Variants in CNTRL observed in about 807,000 individuals in gnomAD.
CNTRL encodes the protein centriolin.
In CNTRL, 233 loss-of-function variants were observed where a neutral mutation model predicts 303.7. The observed-to-expected ratio is 0.77, with a 90% CI of 0.69 to 0.86. The LOEUF (loss-of-function observed/expected upper bound fraction) is 0.86. Among genes scored for constraint, CNTRL ranks in the 40% least tolerant of loss-of-function variants. CNTRL has a pLI of 0.00. For missense variants in CNTRL, 2,524 were observed against 2,650.6 expected (o/e 0.95, Z 1.05); for synonymous variants, 900 against 922.2 (o/e 0.98, Z 0.44).
At chr9:121,082,969 CAAAA>C (rs71370624) in intron 2 of CNTRL, among the ~76,000 whole-genome samples, 1 of 109,870 alleles carries the variant, frequency 9.1e-6, no homozygotes, top group East Asian at 2.4e-4. Context: ...GACTCCCTCT[CAAAA>C]AAAAAAAAAA....
At chr9:121,130,398 A>T (rs2050784990) in intron 14 of CNTRL, among the ~76,000 whole-genome samples, 1 of 151,180 alleles carries the variant, frequency 6.6e-6, no homozygotes, top group Non-Finnish European at 1.5e-5. Flanking sequence ...TTTCTTCTAG[A>T]TTTTCTAGTT....
At chr9:121,093,215 A>G (rs141963302) in intron 4 of CNTRL, among the ~76,000 whole-genome samples, 1 of 152,134 alleles carries the variant, frequency 6.6e-6, no homozygotes, top group Non-Finnish European at 1.5e-5. Flanking sequence ...CCCATAATCC[A>G]TGTTTGATAA....
At chr9:121,156,062 G>C (rs10985167) in intron 27 of CNTRL, among the ~76,000 whole-genome samples, 6 of 151,888 alleles carry the variant, frequency 4.0e-5, no homozygotes, top group Admixed American at 6.6e-5. Flanking sequence ...ATTACTGTGA[G>C]AGAAAATAGA....
intron 11 of CNTRL, among the ~76,000 whole-genome samples, chr9:121,117,652 C>T (rs1425586065): frequency 6.6e-6 from 1 of 152,058 alleles, no homozygotes; most frequent in Admixed American, 6.6e-5. Flanking sequence ...GATAATTATA[C>T]TTTTTACTTT....
intron 1 of CNTRL, among the ~76,000 whole-genome samples, chr9:121,079,479 A>G (rs1034328144): frequency 4.6e-5 from 7 of 152,186 alleles, no homozygotes; most frequent in Non-Finnish European, 1.0e-4. Flanking sequence ...ATCAGCCTGG[A>G]CAACATAGTG....
rs770165275 is a variant in CNTRL at position 121,175,220 on chromosome 9, A to C, written c.6950A>C (p.Asn2317Thr). ...SLTEDSQLGQ[N>T]QEKNASAR ...ACAGAGGACTCTCAACTTGGACAAAATCAGGTAAGCAGCAGCTCTTTTTAA... is the reference window on the plus strand; with the variant it reads ...ACAGAGGACTCTCAACTTGGACAAACTCAGGTAAGCAGCAGCTCTTTTTAA... Residue 2317 changes from asparagine to threonine, a missense_variant, in exon 43 of 44, where the codon AAT becomes ACT. Asn to Thr is a moderately conservative substitution (Grantham distance 65). Coordinates refer to ENST00000373855, the MANE Select transcript of CNTRL (RefSeq NM_007018.6). The C allele has an allele frequency of 1.2e-6, 2 of 1,613,862 alleles. No individual in the cohort carries two copies. The highest frequency in any genetic ancestry group is 1.7e-6 in the Non-Finnish European group (2 of 1,179,860).
In CNTRL at chr9:121,152,683, C is replaced by T; in HGVS notation, c.4162C>T (p.Gln1388Ter). 1 of 1,605,100 alleles carries T rather than the reference C, an allele frequency of 6.2e-7. No homozygotes were observed. Among genetic ancestry groups the T allele is most frequent in the Non-Finnish European group, 8.5e-7 (1 of 1,173,898 alleles). ...EELHRTVQKR[Q>*]QQKDFIDGNV... is the part of the protein sequence containing the mutation. ...ATTACATAGAACTGTCCAGAAACGTCAACAGCAAAAGTAATTAATATATTT... is the reference window on the plus strand; with the variant it reads ...ATTACATAGAACTGTCCAGAAACGTTAACAGCAAAAGTAATTAATATATTT... Residue 1388 changes from glutamine (Q) to a stop codon, truncating the protein, a stop_gained, in exon 26 of 44, where the codon CAA (glutamine) becomes TAA (stop). Coordinates refer to ENST00000373855, the MANE Select transcript of CNTRL (RefSeq NM_007018.6). LOFTEE classifies it high-confidence loss of function.
At position 121,074,979 on chromosome 9, in the gene CNTRL, C is replaced by T. The variant is rs1487568513; in HGVS notation, c.-293C>T. The T allele has an allele frequency of 3.7e-5, 17 of 455,894 alleles. No individual in the cohort carries two copies. In the East Asian group the frequency reaches 1.1e-3, roughly 30 times the overall value. 28.2% of individuals were successfully genotyped at this position (455,894 alleles called of 1,614,324 possible). A position where few individuals can be genotyped will look rare whatever the true frequency, so the allele number is the denominator to read the frequency against. ...CAACCGGCACAACACAACAAAATGGCTGCCGCGCCGCTGGGCCCCTGAGGA... is the reference window on the plus strand; with the variant it reads ...CAACCGGCACAACACAACAAAATGGTTGCCGCGCCGCTGGGCCCCTGAGGA... On this transcript the variant is annotated 5_prime_UTR_variant, in exon 1 of 44. Coordinates refer to ENST00000373855, the MANE Select transcript of CNTRL (RefSeq NM_007018.6).
intron 42 of CNTRL, 93 bp downstream of exon 42, chr9:121,173,830 C>G (rs1036769426): frequency 4.2e-6 from 5 of 1,201,912 alleles, no homozygotes; most frequent in South Asian, 3.6e-5. Flanking sequence ...GCTTTCACAT[C>G]CATGCTGTTG....
In CNTRL at chr9:121,171,431, C is replaced by T. The variant is rs1323462934; in HGVS notation, c.6300C>T (p.Cys2100=). ...AGGAGCAAAAACAGGAGAACAGCTG[C>T]ATACAAAAGGAAATGGCAACAATTG... ...NLLEQKQENS[C]IQKEMATIEL... is the part of the protein sequence containing the mutation. The change falls in exon 40 of 44, where the codon TGC becomes TGT. Residue 2100 remains cysteine (C), a synonymous_variant. Coordinates refer to ENST00000373855, the MANE Select transcript of CNTRL (RefSeq NM_007018.6). 6.2e-7 allele frequency: 1 copy of T among 1,614,034 alleles called. No homozygotes were observed. Among genetic ancestry groups the T allele is most frequent in the Non-Finnish European group, 8.5e-7 (1 of 1,179,932 alleles).
chr9:121,175,391 CAT>C, intron 43 of CNTRL, 167 bp downstream of exon 43: 10 of 663,128 alleles, frequency 1.5e-5, no homozygotes, highest in Non-Finnish European at 2.7e-5. Flanking sequence ...CTCAGCCTCC[CAT>C]GTAGCTGGGA....
At position 121,173,721 on chromosome 9, in the gene CNTRL, G is replaced by A. The variant is rs764424296; in HGVS notation, c.6731G>A (p.Arg2244Gln). The A allele has an allele frequency of 3.3e-5, 54 of 1,613,932 alleles. No homozygotes were observed. Among genetic ancestry groups the A allele is most frequent in the African/African-American group, 5.3e-5 (4 of 74,902 alleles). Residue 2244 changes from arginine (R) to glutamine (Q), a missense_variant, in exon 42 of 44, where the codon CGG becomes CAG. Transcript: ENST00000373855. Reference protein sequence around the residue: ...GEALREKLRHREDRLKAQLRH... With the variant: ...GEALREKLRHQEDRLKAQLRH... The stretch of plus-strand genomic sequence containing the variant: ...GCACTCCGGGAGAAACTGCGTCACC[G>A]GGAAGACCGACTCAAGGTTGCCCTT...
intron 34 of CNTRL, among the ~76,000 whole-genome samples, chr9:121,163,328 A>ATAT (rs1021164027): frequency 1.2e-4 from 18 of 146,566 alleles, no homozygotes; most frequent in African/African-American, 1.5e-4. Flanking sequence ...TCAAAAAAAA[A>ATAT]ATATATATAT....
chr9:121,127,912 G>A (rs1157781161), intron 14 of CNTRL, among the ~76,000 whole-genome samples: 5 of 150,498 alleles, frequency 3.3e-5, no homozygotes, highest in Non-Finnish European at 5.9e-5. Flanking sequence ...TTCTGTCCTT[G>A]TGATAGTTTG....
chr9:121,129,074 T>G (rs1316707366), intron 14 of CNTRL, among the ~76,000 whole-genome samples: 1 of 152,240 alleles, frequency 6.6e-6, no homozygotes, highest in Non-Finnish European at 1.5e-5. Context: ...TCAGGTAGCG[T>G]GATGCCTCCA....
At chr9:121,131,582 T>A (rs2050862082) in intron 14 of CNTRL, among the ~76,000 whole-genome samples, 1 of 152,258 alleles carries the variant, frequency 6.6e-6, no homozygotes, top group South Asian at 2.1e-4. Flanking sequence ...TGACTCTTTA[T>A]CCAATTTGCC....
At chr9:121,136,047 T>G in intron 15 of CNTRL, 65 bp downstream of exon 15, 1 of 1,339,084 alleles carries the variant, frequency 7.5e-7, no homozygotes. Context: ...CATCCTTCTT[T>G]TATTTATGTC....
rs145402311 is a variant in CNTRL, at chr9:121,167,615, C to G, written c.5782C>G (p.Gln1928Glu). 120 of 1,614,134 alleles carry G rather than the reference C, an allele frequency of 7.4e-5. 1 individual carries two copies. The African/African-American group carries it at 1.5e-3, about 20-fold the overall frequency. Residue 1928 changes from glutamine to glutamate, a missense_variant, in exon 37 of 44, where the codon CAA becomes GAA. Coordinates refer to ENST00000373855, the MANE Select transcript of CNTRL (RefSeq NM_007018.6). ...CQKEEETKQQ[Q>E]LQVLQNEIEE... is the part of the protein sequence containing the mutation. Reference sequence around the variant, plus strand: ...GAAAGAAGAGGAGACAAAACAACAACAACTTCAAGTGCTTCAGAATGAGAT... The same window carrying G: ...GAAAGAAGAGGAGACAAAACAACAAGAACTTCAAGTGCTTCAGAATGAGAT...
intron 10 of CNTRL, 135 bp from the exon 11 acceptor site, chr9:121,114,956 T>A (rs1304180725): frequency 1.3e-5 from 7 of 534,386 alleles, no homozygotes; most frequent in South Asian, 9.2e-5. Flanking sequence ...TACTTTAAAA[T>A]TTTTTTGTGA....
Sources: gnomAD v4.1 joint callset for allele counts (sites outside exome capture counted in the v4.1 genomes callset) on GRCh38, gnomAD v4.1.1 for gene constraint, MANE v1.5 for transcripts, NCBI Gene and HGNC (gene_info 2026-07-23, HGNC 2026-07-21) for gene names.